MSTO1: variants seen among roughly 807,000 people sequenced by gnomAD.
MSTO1 encodes the protein misato mitochondrial distribution and morphology regulator 1, also known as protein misato homolog 1.
MSTO1 carries 24 observed loss-of-function variants against 55.7 expected under a neutral mutation model. That is an observed-to-expected ratio of 0.43 (90% CI 0.31 to 0.61). MSTO1 has a LOEUF of 0.61. MSTO1 is among the 20% of genes least tolerant of loss of function. The pLI, the probability that MSTO1 is intolerant of heterozygous loss-of-function variation, is 0.09. For missense variants in MSTO1, 363 were observed against 625.7 expected (o/e 0.58, Z 4.48); for synonymous variants, 162 against 252.8 (o/e 0.64, Z 3.41).
At chr1:155,590,655 A>T in the MSTO1 span, 3 of 1,419,092 alleles carry the variant, frequency 2.1e-6, no homozygotes, top group Non-Finnish European at 2.9e-6. Flanking sequence ...TGGCAGGGGC[A>T]GATGTCCAGT....
At chr1:155,586,624 T>C in the MSTO1 span, 1 of 478,828 alleles carries the variant, frequency 2.1e-6, no homozygotes. Context: ...CCATTTGTGC[T>C]TTACCTTTCA....
chr1:155,598,433 A>G, the MSTO1 span, among the ~76,000 whole-genome samples: 3 of 152,226 alleles, frequency 2.0e-5, no homozygotes, highest in East Asian at 5.8e-4. Context: ...TTTAAAAAAT[A>G]TAAACACTGG....
the MSTO1 span, among the ~76,000 whole-genome samples, chr1:155,567,540 TCCGC>T: frequency 6.6e-6 from 1 of 151,794 alleles, no homozygotes; most frequent in South Asian, 2.1e-4. Flanking sequence ...GACCTCGTGA[TCCGC>T]CCGCCTCGGC....
At chr1:155,573,291 A>G in the MSTO1 span, among the ~76,000 whole-genome samples, 3 of 152,144 alleles carry the variant, frequency 2.0e-5, no homozygotes, top group Non-Finnish European at 4.4e-5. Context: ...TGGGCCAGAC[A>G]GTGGCTCACA....
chr1:155,563,265 T>C, the MSTO1 span: 2 of 456,468 alleles, frequency 4.4e-6, no homozygotes, highest in South Asian at 3.1e-5. Context: ...GGACCGCTGC[T>C]GTGGAGCTGG....
Position 155,614,920 on chromosome 1 carries a change from A to G in MSTO1, c.*647A>G. ...CACTGATCCTTAGTAACATGTTAAC[A>G]TTTATGAAGCACTATATATTGATTT... On this transcript the variant is annotated 3_prime_UTR_variant, in exon 14 of 14. Coordinates refer to ENST00000245564, the MANE Select transcript of MSTO1 (RefSeq NM_018116.4). 7.6e-7 allele frequency: 1 copy of G among 1,307,544 alleles called. No homozygotes were observed. The highest frequency in any genetic ancestry group is 1.8e-4 in the Middle Eastern group (1 of 5,526). 81.0% of individuals were successfully genotyped at this position (1,307,544 alleles called of 1,614,324 possible).
Position 155,614,732 on chromosome 1 carries a change from G to A in MSTO1, c.*459G>A. ...TGATTCCCAGAGTCTCATTCATCCA[G>A]CTCCTCTTCAGACAGAAGGTCCCCA... On this transcript the variant is annotated 3_prime_UTR_variant, in exon 14 of 14. Coordinates refer to ENST00000245564, the MANE Select transcript of MSTO1 (RefSeq NM_018116.4). 1 of 1,573,384 alleles carries A rather than the reference G, an allele frequency of 6.4e-7. No homozygotes were observed.
chr1:155,593,685 C>T, the MSTO1 span, among the ~76,000 whole-genome samples: 13 of 152,040 alleles, frequency 8.6e-5, no homozygotes, highest in Non-Finnish European at 1.8e-4. Context: ...AATTGCCATT[C>T]GGGCCGGGTG....
At chr1:155,604,998 C>G in the MSTO1 span, among the ~76,000 whole-genome samples, 1 of 151,102 alleles carries the variant, frequency 6.6e-6, no homozygotes, top group Non-Finnish European at 1.5e-5. Context: ...CGGTGGCTCA[C>G]GCCTGTAATC....
At chr1:155,598,056 G>T in the MSTO1 span, among the ~76,000 whole-genome samples, 2 of 151,978 alleles carry the variant, frequency 1.3e-5, no homozygotes, top group African/African-American at 4.8e-5. Flanking sequence ...GACCTCAGAT[G>T]ATCTGCCCAT....
At chr1:155,597,612 C>T in the MSTO1 span, among the ~76,000 whole-genome samples, 1 of 150,728 alleles carries the variant, frequency 6.6e-6, no homozygotes, top group Non-Finnish European at 1.5e-5. Context: ...CGGGTTCAAG[C>T]GATTCTCCCG....
chr1:155,570,708 T>C, the MSTO1 span, among the ~76,000 whole-genome samples: 1 of 152,198 alleles, frequency 6.6e-6, no homozygotes, highest in African/African-American at 2.4e-5. Flanking sequence ...CATTTGTTAC[T>C]GTGCCAGATT....
chr1:155,566,924 T>G, the MSTO1 span, among the ~76,000 whole-genome samples: 1 of 151,264 alleles, frequency 6.6e-6, no homozygotes, highest in Non-Finnish European at 1.5e-5. Flanking sequence ...CAGGTTAAAA[T>G]ATTAACCTGC....
chr1:155,598,939 C>G, the MSTO1 span: 300 of 1,313,344 alleles, frequency 2.3e-4, no homozygotes, highest in Non-Finnish European at 3.1e-4. Flanking sequence ...GTCTTGTCTT[C>G]TCTCTGTTAG....
chr1:155,613,315 A>T, intron 11 of MSTO1, 82 bp downstream of exon 11: 2 of 1,579,664 alleles, frequency 1.3e-6, no homozygotes, highest in Admixed American at 1.8e-5. Context: ...GGGCATTCTA[A>T]TGATACTGTT....
At chr1:155,606,060 G>A (rs555206705), upstream of MSTO1, among the ~76,000 whole-genome samples, 1 of 151,990 alleles carries the variant, frequency 6.6e-6, no homozygotes, top group East Asian at 1.9e-4. Context: ...TTTTGACAGA[G>A]TCTTGCTCTA....
chr1:155,593,865 A>T, the MSTO1 span, among the ~76,000 whole-genome samples: 1 of 150,476 alleles, frequency 6.6e-6, no homozygotes, highest in Admixed American at 6.6e-5. Context: ...GCTACTCGGG[A>T]GGCTGAGGCA....
At chr1:155,597,031 TG>T in the MSTO1 span, among the ~76,000 whole-genome samples, 1 of 151,692 alleles carries the variant, frequency 6.6e-6, no homozygotes, top group Non-Finnish European at 1.5e-5. Flanking sequence ...CTTATGAGCC[TG>T]GGAAGCCAAG....
chr1:155,573,517 G>A, the MSTO1 span, among the ~76,000 whole-genome samples: 5 of 151,774 alleles, frequency 3.3e-5, 1 homozygote, highest in Non-Finnish European at 7.4e-5. Context: ...TGGACCACAT[G>A]GCGAAACCCT....
Sources: gnomAD v4.1 joint callset for allele counts (sites outside exome capture counted in the v4.1 genomes callset) on GRCh38, gnomAD v4.1.1 for gene constraint, MANE v1.5 for transcripts, NCBI Gene and HGNC (gene_info 2026-07-23, HGNC 2026-07-21) for gene names.